GRIK5: variants seen among roughly 807,000 people sequenced by gnomAD.
GRIK5 encodes glutamate ionotropic receptor kainate type subunit 5.
A neutral mutation model predicts 97.4 loss-of-function variants in GRIK5; 43 were observed. The ratio of observed to expected loss-of-function variants is 0.44; its 90% CI spans 0.35 to 0.57. GRIK5 has a LOEUF of 0.57. Among genes scored for constraint, GRIK5 ranks in the 20% least tolerant of loss-of-function variants. The pLI, the probability that GRIK5 is intolerant of heterozygous loss-of-function variation, is 0.01. For missense variants in GRIK5, 1,015 were observed against 1,382.0 expected (o/e 0.73, Z 4.21); for synonymous variants, 580 against 583.5 (o/e 0.99, Z 0.09).
chr19:42,049,506 G>C (rs1048230301), intron 11 of GRIK5, among the ~76,000 whole-genome samples: 1 of 152,204 alleles, frequency 6.6e-6, no homozygotes, highest in African/African-American at 2.4e-5. Context: ...AATGTTGCCA[G>C]AAGAAGCCAG....
chr19:42,065,447 G>T lies in GRIK5; in HGVS notation c.80-60C>A. 2 of 1,495,910 alleles carry T rather than the reference G, an allele frequency of 1.3e-6. No homozygotes were observed. The highest frequency in any genetic ancestry group is 1.8e-6 in the Non-Finnish European group (2 of 1,109,416). The allele number at this position is 1,495,910 out of a possible 1,614,324, so 92.7% of individuals were successfully genotyped here. ...GAGTCCTGAGGAAGGAGGGGGCTGT[G>T]GTCTTAGACTCCAGGGCTCTAGGGT... On this transcript the variant is annotated intron_variant, in intron 2 of 19. Transcript: ENST00000593562. This position sits in a 1 kb window ranked among gnomAD's most constrained non-coding sequence, Gnocchi z 5.8.
intron 12 of GRIK5, among the ~76,000 whole-genome samples, chr19:42,035,749 A>T (rs1453707321): frequency 6.6e-6 from 1 of 152,158 alleles, no homozygotes; most frequent in Admixed American, 6.5e-5. Flanking sequence ...TGTATTAATG[A>T]ATTTGTAGAA....
Position 42,006,689 on chromosome 19 carries a change from C to G in GRIK5, c.1993G>C (p.Glu665Gln). The G allele has an allele frequency of 1.2e-6, 2 of 1,614,030 alleles. No homozygotes were observed. The highest frequency in any genetic ancestry group is 1.7e-6 in the Non-Finnish European group (2 of 1,180,006). ...ADDLADQTNI[E>Q]YGTIHAGSTM... is the part of the protein sequence containing the mutation. ...GAGCCGGCGTGGATGGTGCCATACTCGATGTTGGTCTGATCTGCCAGGTCA... is the reference window on the plus strand; with the variant it reads ...GAGCCGGCGTGGATGGTGCCATACTGGATGTTGGTCTGATCTGCCAGGTCA... Residue 665 changes from glutamate (E) to glutamine (Q), a missense_variant, in exon 16 of 20, where the codon GAG (glutamate) becomes CAG (glutamine). By Grantham distance (29) the Glu-to-Gln change is conservative. Transcript: ENST00000593562. This position sits in a 1 kb window ranked among gnomAD's most constrained non-coding sequence, Gnocchi z 5.3.
chr19:42,037,225 C>T (rs1477060837), intron 12 of GRIK5, among the ~76,000 whole-genome samples: 1 of 152,204 alleles, frequency 6.6e-6, no homozygotes, highest in African/African-American at 2.4e-5. Flanking sequence ...TTTGGGAGGC[C>T]AAGGCGGACA....
chr19:42,058,257 T>C (rs2076212701), intron 6 of GRIK5, among the ~76,000 whole-genome samples: 4 of 152,070 alleles, frequency 2.6e-5, no homozygotes, highest in African/African-American at 9.7e-5. Flanking sequence ...CTCAGCTCAC[T>C]GCAAGCTCCA....
intron 12 of GRIK5, among the ~76,000 whole-genome samples, chr19:42,036,524 T>G (rs1410296991): frequency 6.6e-6 from 1 of 152,050 alleles, no homozygotes; most frequent in Non-Finnish European, 1.5e-5. Flanking sequence ...TTGGCTAAAT[T>G]TTTTCAATTT....
rs538864409 is a variant in GRIK5 at position 42,039,034 on chromosome 19, T to A, written c.1473+3518A>T. ...CCCACCCTAGGCAGTCACCAAGCCC[T>A]GGTGCTCTTTAGCCCTTCCCCTAGT... On this transcript the variant is annotated intron_variant, in intron 12 of 19. Coordinates refer to ENST00000593562, the MANE Select transcript of GRIK5 (RefSeq NM_002088.5). 2.6e-5 allele frequency among the ~76,000 whole-genome samples: 4 copies of A among 152,284 alleles called. No homozygotes were observed. In the East Asian group the frequency reaches 5.8e-4, roughly 22 times the overall value.
chr19:42,013,408 C>CTTTTTTTTT (rs961451223), intron 15 of GRIK5, among the ~76,000 whole-genome samples: 4 of 123,244 alleles, frequency 3.2e-5, no homozygotes, highest in East Asian at 2.3e-4. Flanking sequence ...TTTTTCTTTT[C>CTTTTTTTTT]TTTTTTTTTT....
At chr19:42,019,502 C>A (rs545357069) in intron 15 of GRIK5, among the ~76,000 whole-genome samples, 1 of 152,192 alleles carries the variant, frequency 6.6e-6, no homozygotes. Context: ...GAATAGGCCC[C>A]GCCCACCAGC....
intron 5 of GRIK5, among the ~76,000 whole-genome samples, chr19:42,061,093 G>C (rs899491887): frequency 1.3e-5 from 2 of 152,128 alleles, no homozygotes; most frequent in African/African-American, 4.8e-5. Flanking sequence ...TGTCGCCCAG[G>C]CTGGAGTGCA....
chr19:42,020,387 G>C (rs1246433294), intron 15 of GRIK5, among the ~76,000 whole-genome samples: 1 of 152,192 alleles, frequency 6.6e-6, no homozygotes, highest in Non-Finnish European at 1.5e-5. Flanking sequence ...TGCCTCTCCA[G>C]GACAGGAATG....
In GRIK5 at chr19:42,006,640, C is replaced by T; in HGVS notation, c.2037+5G>A. The T allele has an allele frequency of 6.2e-7, 1 of 1,613,150 alleles. No individual in the cohort carries two copies. The highest frequency in any genetic ancestry group is 8.5e-7 in the Non-Finnish European group (1 of 1,179,430). On this transcript the variant is annotated splice_donor_5th_base_variant and intron_variant, in intron 16 of 19. Coordinates refer to ENST00000593562, the MANE Select transcript of GRIK5 (RefSeq NM_002088.5). This position sits in a 1 kb window ranked among gnomAD's most constrained non-coding sequence, Gnocchi z 5.3. ...ACCACGCCTGAGAGGTTCTGGTGGC[C>T]CCACCTGGAAGAAGGTCATGGTGGA...
At chr19:42,055,731 G>A (rs909733275) in intron 8 of GRIK5, among the ~76,000 whole-genome samples, 2 of 152,104 alleles carry the variant, frequency 1.3e-5, no homozygotes, top group Admixed American at 1.3e-4. Context: ...CCAGGCTGGA[G>A]TGCAGTGGCA....
intron 15 of GRIK5, among the ~76,000 whole-genome samples, chr19:42,009,726 C>T (rs1555873572): frequency 1.3e-5 from 2 of 150,132 alleles, no homozygotes; most frequent in African/African-American, 4.9e-5. Flanking sequence ...TCAGATTGTG[C>T]CACCGCACTC....
At chr19:42,055,045 C>G (rs2076164827) in intron 8 of GRIK5, among the ~76,000 whole-genome samples, 1 of 152,218 alleles carries the variant, frequency 6.6e-6, no homozygotes, top group Non-Finnish European at 1.5e-5. Flanking sequence ...GTTTCCTTCT[C>G]TGTAAAATGA....
intron 11 of GRIK5, among the ~76,000 whole-genome samples, chr19:42,052,994 G>A (rs926493548): frequency 2.6e-5 from 4 of 152,224 alleles, no homozygotes; most frequent in East Asian, 1.9e-4. Context: ...CACAGTGCCC[G>A]GTGCAGAACA....
At chr19:42,032,698 G>A (rs747184137) in intron 12 of GRIK5, among the ~76,000 whole-genome samples, 1 of 152,190 alleles carries the variant, frequency 6.6e-6, no homozygotes, top group African/African-American at 2.4e-5. Flanking sequence ...CCCGGCCCCA[G>A]CAAACTGCTC....
At position 42,062,651 on chromosome 19, in the gene GRIK5, G is replaced by T. The variant is rs2076274926; in HGVS notation, c.345C>A (p.Ile115=). 1 of 1,614,038 alleles carries T rather than the reference G, an allele frequency of 6.2e-7. No homozygotes were observed. Among genetic ancestry groups the T allele is most frequent in the Non-Finnish European group, 8.5e-7 (1 of 1,179,972 alleles). ...TVSHICGEKE[I]PHIKVGPEET... ...CCTCGGGACCCACCTTGATGTGGGG[G>T]ATCTGGACAGAGAGGAAACTTTGGC... The change falls in exon 5 of 20, where the codon ATC becomes ATA. Residue 115 remains isoleucine, a splice_region_variant and synonymous_variant. Coordinates refer to ENST00000593562, the MANE Select transcript of GRIK5 (RefSeq NM_002088.5). This position sits in a 1 kb window ranked among gnomAD's most constrained non-coding sequence, Gnocchi z 5.3.
Position 42,006,774 on chromosome 19 carries a change from C to T in GRIK5, c.1908G>A (p.Thr636=), listed in dbSNP as rs782719257. 3.1e-6 allele frequency: 5 copies of T among 1,612,568 alleles called. No individual in the cohort carries two copies. The highest frequency in any genetic ancestry group is 1.7e-6 in the Non-Finnish European group (2 of 1,179,382). Reference sequence around the variant, plus strand: ...CGGTGAGGAAGGCGGCCAGGTTGGCCGTGTAGGAGGAGATGATGATCAAGG... The same window carrying T: ...CGGTGAGGAAGGCGGCCAGGTTGGCTGTGTAGGAGGAGATGATGATCAAGG... ...AFTLIIISSY[T]ANLAAFLTVQ... is the part of the protein sequence containing the mutation. Residue 636 remains threonine, a synonymous_variant, in exon 16 of 20, where the codon ACG becomes ACA. Transcript: ENST00000593562. The surrounding 1 kb of genome is among the most constrained non-coding windows in gnomAD (Gnocchi z 5.3).
Sources: gnomAD v4.1 joint callset for allele counts (sites outside exome capture counted in the v4.1 genomes callset) on GRCh38, gnomAD v4.1.1 for gene constraint, Gnocchi (gnomAD v3.1) non-coding constraint, MANE v1.5 for transcripts, NCBI Gene and HGNC (gene_info 2026-07-23, HGNC 2026-07-21) for gene names.